SRGAP1: variants seen among roughly 807,000 people sequenced by gnomAD.
The protein encoded by SRGAP1 is SLIT-ROBO Rho GTPase activating protein 1, also known as SLIT-ROBO Rho GTPase-activating protein 1.
SRGAP1 carries 43 observed loss-of-function variants against 121.9 expected under a neutral mutation model. The observed-to-expected ratio is 0.35, with a 90% CI of 0.28 to 0.46. The LOEUF (loss-of-function observed/expected upper bound fraction) is 0.46. Among genes scored for constraint, SRGAP1 ranks in the 20% least tolerant of loss-of-function variants. The probability of loss-of-function intolerance (pLI) is 1.00; values close to 1 mark genes in which losing one functional copy is unlikely to be tolerated. For missense variants in SRGAP1, 1,102 were observed against 1,350.9 expected (o/e 0.82, Z 2.89); for synonymous variants, 447 against 485.4 (o/e 0.92, Z 1.04).
At chr12:64,070,068 C>T (rs2035612969) in intron 8 of SRGAP1, among the ~76,000 whole-genome samples, 1 of 152,136 alleles carries the variant, frequency 6.6e-6, no homozygotes, top group Non-Finnish European at 1.5e-5. Flanking sequence ...TCCAGCATTG[C>T]TCTTAAAGGC....
At chr12:63,854,133 A>G (rs1273477703) in intron 1 of SRGAP1, among the ~76,000 whole-genome samples, 1 of 152,172 alleles carries the variant, frequency 6.6e-6, no homozygotes, top group Non-Finnish European at 1.5e-5. Flanking sequence ...AAGAAACATT[A>G]CCAGTGCCTT....
At chr12:64,016,117 T>A (rs1015014459) in intron 3 of SRGAP1, among the ~76,000 whole-genome samples, 3 of 152,160 alleles carry the variant, frequency 2.0e-5, no homozygotes, top group Admixed American at 1.3e-4. Context: ...TAAAAGTTGA[T>A]GGACCTTGAG....
At chr12:64,063,655 A>T (rs1163726431) in intron 7 of SRGAP1, among the ~76,000 whole-genome samples, 2 of 144,336 alleles carry the variant, frequency 1.4e-5, no homozygotes, top group African/African-American at 4.9e-5. Flanking sequence ...ATGTTATTTT[A>T]CCAAAAAAAA....
At chr12:64,018,266 T>G (rs1389434084) in intron 4 of SRGAP1, among the ~76,000 whole-genome samples, 1 of 152,148 alleles carries the variant, frequency 6.6e-6, no homozygotes, top group Non-Finnish European at 1.5e-5. Context: ...TTTTTTTGTA[T>G]TTTTAGTAGA....
intron 21 of SRGAP1, among the ~76,000 whole-genome samples, chr12:64,131,108 C>G (rs1401296305): frequency 6.6e-6 from 1 of 152,164 alleles, no homozygotes; most frequent in Admixed American, 6.5e-5. Context: ...TGTTCATGGG[C>G]CCATTGAGCA....
intron 4 of SRGAP1, among the ~76,000 whole-genome samples, chr12:64,021,287 G>A: frequency 6.6e-6 from 1 of 152,202 alleles, no homozygotes; most frequent in East Asian, 1.9e-4. Context: ...TCAGGTCATT[G>A]CTAACCTGTT....
intron 18 of SRGAP1, among the ~76,000 whole-genome samples, chr12:64,122,395 G>A (rs757564949): frequency 1.3e-5 from 2 of 152,220 alleles, no homozygotes; most frequent in Non-Finnish European, 2.9e-5. Context: ...ACCAGACTAA[G>A]ATGTGTGTAA....
intron 1 of SRGAP1, among the ~76,000 whole-genome samples, chr12:63,891,750 A>G (rs111870922): frequency 1.3e-3 from 194 of 152,202 alleles, no homozygotes; most frequent in African/African-American, 4.5e-3. Context: ...ACTTTGGGAG[A>G]CCGAGGTGGG....
At chr12:64,104,921 T>C (rs1336265446) in intron 15 of SRGAP1, among the ~76,000 whole-genome samples, 1 of 151,542 alleles carries the variant, frequency 6.6e-6, no homozygotes. Context: ...ATAAAAAATA[T>C]AAAATTTACC....
At chr12:63,932,995 C>T (rs1367067706) in intron 1 of SRGAP1, among the ~76,000 whole-genome samples, 1 of 152,166 alleles carries the variant, frequency 6.6e-6, no homozygotes, top group Non-Finnish European at 1.5e-5. Flanking sequence ...TGTGACCATC[C>T]TGGCCAACAT....
At chr12:64,111,266 G>A (rs1490382328) in intron 16 of SRGAP1, among the ~76,000 whole-genome samples, 1 of 152,138 alleles carries the variant, frequency 6.6e-6, no homozygotes, top group African/African-American at 2.4e-5. Flanking sequence ...TATAAAGCCT[G>A]GAGTTATTGG....
intron 1 of SRGAP1, among the ~76,000 whole-genome samples, chr12:63,941,002 A>G (rs1188420505): frequency 1.3e-5 from 2 of 152,168 alleles, no homozygotes; most frequent in African/African-American, 2.4e-5. Flanking sequence ...GGTGTTCTCT[A>G]GAGACCGAGT....
At chr12:64,092,502 A>ATACG (rs1565677419) in intron 12 of SRGAP1, among the ~76,000 whole-genome samples, 23 of 140,980 alleles carry the variant, frequency 1.6e-4, no homozygotes, top group African/African-American at 6.6e-4. Context: ...ACATACATAC[A>ATACG]TATGTACATA....
intron 1 of SRGAP1, among the ~76,000 whole-genome samples, chr12:63,896,094 A>C (rs1312955058): frequency 6.6e-6 from 1 of 152,132 alleles, no homozygotes; most frequent in Non-Finnish European, 1.5e-5. Flanking sequence ...TGACCTTGGC[A>C]AGTCTAACCT....
chr12:63,950,203 C>T (rs1475725779), intron 1 of SRGAP1, among the ~76,000 whole-genome samples: 2 of 152,122 alleles, frequency 1.3e-5, no homozygotes, highest in Non-Finnish European at 2.9e-5. Context: ...ACCTAATAAC[C>T]TTCCTCCTTT....
rs561618388 is a variant in SRGAP1 at position 63,961,553 on chromosome 12, T to C, written c.68-22394T>C. The stretch of plus-strand genomic sequence containing the variant: ...GATGTGGCCTCCATTCCCTTGGCCC[T>C]CAGGACTCCTGACCAGGACAGAGCC... On this transcript the variant is annotated intron_variant, in intron 1 of 21. Transcript: ENST00000355086. 7.6e-4 allele frequency among the ~76,000 whole-genome samples: 116 copies of C among 152,308 alleles called. 1 individual carries two copies. Among genetic ancestry groups the C allele is most frequent in the African/African-American group, 2.7e-3 (111 of 41,562 alleles).
intron 3 of SRGAP1, among the ~76,000 whole-genome samples, chr12:64,012,965 T>C (rs2034295221): frequency 6.6e-6 from 1 of 152,144 alleles, no homozygotes; most frequent in South Asian, 2.1e-4. Context: ...GTTAAATTCC[T>C]GAGCTCAAGT....
At chr12:63,902,925 T>A (rs2030005359) in intron 1 of SRGAP1, among the ~76,000 whole-genome samples, 1 of 152,204 alleles carries the variant, frequency 6.6e-6, no homozygotes, top group Non-Finnish European at 1.5e-5. Context: ...GACCTCCCAA[T>A]TAGATTGTAA....
intron 21 of SRGAP1, among the ~76,000 whole-genome samples, chr12:64,137,824 T>G (rs2036878550): frequency 6.6e-6 from 1 of 151,972 alleles, no homozygotes; most frequent in Admixed American, 6.6e-5. Flanking sequence ...AACCGTGCCA[T>G]GAGGGGTATG....
Sources: allele counts gnomAD v4.1 joint callset (sites outside exome capture counted in the v4.1 genomes callset), GRCh38; gene constraint gnomAD v4.1.1; transcripts MANE v1.5; gene names NCBI Gene and HGNC (gene_info 2026-07-23, HGNC 2026-07-21).